GUCY1A2: variants seen among roughly 807,000 people sequenced by gnomAD.
The protein encoded by GUCY1A2 is guanylate cyclase 1 soluble subunit alpha 2.
GUCY1A2 carries 27 observed loss-of-function variants against 63.5 expected under a neutral mutation model. The observed-to-expected ratio is 0.43, with a 90% CI of 0.31 to 0.59. The LOEUF is 0.59. GUCY1A2 is among the 20% of genes least tolerant of loss of function. The pLI is 0.11. For synonymous variants in GUCY1A2, 364 were observed against 343.5 expected (o/e 1.06, Z -0.66); for missense variants, 768 against 913.3 (o/e 0.84, Z 2.05).
At chr11:106,996,040 T>G (rs750862935) in intron 1 of GUCY1A2, among the ~76,000 whole-genome samples, 1 of 152,122 alleles carries the variant, frequency 6.6e-6, no homozygotes, top group Non-Finnish European at 1.5e-5. Context: ...AATTAACACA[T>G]AAAACAAAGA....
intron 4 of GUCY1A2, among the ~76,000 whole-genome samples, chr11:106,824,611 C>T (rs1415456556): frequency 6.6e-6 from 1 of 152,092 alleles, no homozygotes; most frequent in African/African-American, 2.4e-5. Context: ...TAGAACTTCT[C>T]TCACAATGTA....
chr11:106,738,631 C>T (rs1355809221), intron 6 of GUCY1A2, among the ~76,000 whole-genome samples: 1 of 152,120 alleles, frequency 6.6e-6, no homozygotes, highest in African/African-American at 2.4e-5. Context: ...TTTCCCAACA[C>T]CATTTATTAA....
chr11:106,770,954 A>G (rs146558433), intron 6 of GUCY1A2, among the ~76,000 whole-genome samples: 373 of 151,788 alleles, frequency 2.5e-3, no homozygotes, highest in African/African-American at 8.7e-3. Flanking sequence ...CTAGTTCACA[A>G]TGTTTCCTGC....
intron 6 of GUCY1A2, among the ~76,000 whole-genome samples, chr11:106,721,064 A>ATTTT (rs1285240704): frequency 1.9e-5 from 2 of 102,588 alleles, no homozygotes; most frequent in African/African-American, 8.0e-5. Flanking sequence ...CATATTTGCA[A>ATTTT]ATTTTTTTTT....
At chr11:106,721,615 C>T (rs995309860) in intron 6 of GUCY1A2, among the ~76,000 whole-genome samples, 2 of 152,102 alleles carry the variant, frequency 1.3e-5, no homozygotes, top group African/African-American at 2.4e-5. Context: ...TTTTACTGAG[C>T]AGGTTGGTTC....
chr11:106,720,533 T>TC (rs2135362786), intron 6 of GUCY1A2, among the ~76,000 whole-genome samples: 1 of 152,304 alleles, frequency 6.6e-6, no homozygotes, highest in South Asian at 2.1e-4. Flanking sequence ...CCCTTTTTTT[T>TC]CATTATTAGA....
intron 6 of GUCY1A2, among the ~76,000 whole-genome samples, chr11:106,756,661 G>A (rs1007580857): frequency 6.6e-6 from 1 of 152,172 alleles, no homozygotes; most frequent in African/African-American, 2.4e-5. Flanking sequence ...CTTTAAGAAT[G>A]TTGAATATTA....
Position 106,801,679 on chromosome 11 carries a change from A to G in GUCY1A2, c.1692+8314T>C, listed in dbSNP as rs187951719. 3.6e-3 allele frequency among the ~76,000 whole-genome samples: 551 copies of G among 152,292 alleles called. 3 individuals are homozygous for G. The highest frequency in any genetic ancestry group is 0.013 in the African/African-American group (531 of 41,584). On this transcript the variant is annotated intron_variant, in intron 5 of 7. Transcript: ENST00000526355. ...TATTTGATAGCACAACAGAGCCATC[A>G]TACTTAATAATAATTTAATTGTACA...
intron 1 of GUCY1A2, among the ~76,000 whole-genome samples, chr11:107,014,290 T>C (rs1425694606): frequency 2.6e-5 from 4 of 152,026 alleles, no homozygotes; most frequent in Non-Finnish European, 5.9e-5. Context: ...GGTTTCACCA[T>C]GTTGACCAGG....
Position 107,017,842 on chromosome 11 carries a change from C to T in GUCY1A2, c.214G>A (p.Ala72Thr). 1 of 1,269,988 alleles carries T rather than the reference C, an allele frequency of 7.9e-7. No individual in the cohort carries two copies. The highest frequency in any genetic ancestry group is 9.9e-7 in the Non-Finnish European group (1 of 1,009,152). 78.7% of individuals were successfully genotyped at this position (1,269,988 alleles called of 1,614,324 possible). A position where few individuals can be genotyped will look rare whatever the true frequency, so the allele number is the denominator to read the frequency against. ...TGCACCCTCCTGGCCCCGGCAGTGG[C>T]AGCGGCGGCGGCGGCAGAAGCAGCC... The part of the protein sequence containing the change: ...TPAASAAAAA[A>T]TAGARRVQRR... Residue 72 changes from alanine (A) to threonine (T), a missense_variant, in exon 1 of 8, where the codon GCC becomes ACC. By Grantham distance (58) the Ala-to-Thr change is moderately conservative. Transcript: ENST00000526355.
At chr11:106,908,338 T>C (rs1027214759) in intron 4 of GUCY1A2, among the ~76,000 whole-genome samples, 5 of 151,874 alleles carry the variant, frequency 3.3e-5, no homozygotes, top group African/African-American at 9.7e-5. Flanking sequence ...TCTGAAGAAC[T>C]CAACAAACAT....
chr11:106,916,525 C>G (rs1860372106), intron 4 of GUCY1A2, among the ~76,000 whole-genome samples: 1 of 145,264 alleles, frequency 6.9e-6, no homozygotes, highest in East Asian at 2.1e-4. Context: ...TTCAAGATAT[C>G]CTTCATGTTC....
At chr11:106,817,875 C>A (rs1226824966) in intron 4 of GUCY1A2, among the ~76,000 whole-genome samples, 2 of 151,974 alleles carry the variant, frequency 1.3e-5, no homozygotes, top group Admixed American at 6.6e-5. Flanking sequence ...GAAAAGAGAA[C>A]CCCTGTACAC....
intron 6 of GUCY1A2, among the ~76,000 whole-genome samples, chr11:106,726,083 G>T (rs554602136): frequency 1.3e-5 from 2 of 152,198 alleles, no homozygotes; most frequent in African/African-American, 4.8e-5. Flanking sequence ...TTTATTTATT[G>T]TGATAACACT....
intron 4 of GUCY1A2, among the ~76,000 whole-genome samples, chr11:106,851,589 C>A (rs950696411): frequency 2.0e-5 from 3 of 151,928 alleles, no homozygotes; most frequent in African/African-American, 7.2e-5. Flanking sequence ...TTTCCCTTCA[C>A]TATTTATTGA....
chr11:106,854,345 G>A (rs1180508809), intron 4 of GUCY1A2, among the ~76,000 whole-genome samples: 1 of 152,188 alleles, frequency 6.6e-6, no homozygotes, highest in Admixed American at 6.5e-5. Flanking sequence ...ACAGCAGCAG[G>A]TTGAGTGGCC....
chr11:107,014,681 A>C (rs1861796146), intron 1 of GUCY1A2, among the ~76,000 whole-genome samples: 2 of 152,198 alleles, frequency 1.3e-5, no homozygotes. Context: ...TAGTTTAATA[A>C]ATAAATTTTC....
At chr11:106,931,654 G>A (rs1860604238) in intron 4 of GUCY1A2, among the ~76,000 whole-genome samples, 2 of 152,080 alleles carry the variant, frequency 1.3e-5, no homozygotes, top group Non-Finnish European at 2.9e-5. Context: ...CTGTTCATCA[G>A]GAAAAATTAA....
intron 6 of GUCY1A2, among the ~76,000 whole-genome samples, chr11:106,725,117 T>C (rs1463640003): frequency 6.6e-6 from 1 of 151,586 alleles, no homozygotes; most frequent in Non-Finnish European, 1.5e-5. Context: ...CAGATATTTA[T>C]GATATTTCTA....
Sources: gnomAD v4.1 joint callset for allele counts (sites outside exome capture counted in the v4.1 genomes callset) on GRCh38, gnomAD v4.1.1 for gene constraint, MANE v1.5 for transcripts, NCBI Gene and HGNC (gene_info 2026-07-23, HGNC 2026-07-21) for gene names.